The following ADGRD1 variants were observed in gnomAD, a reference collection of about 807,000 sequenced individuals.
ADGRD1 encodes adhesion G protein-coupled receptor D1.
In ADGRD1, 77 loss-of-function variants were observed where a neutral mutation model predicts 113.4. That is an observed-to-expected ratio of 0.68 (90% confidence interval 0.57 to 0.82). ADGRD1 has a LOEUF of 0.82. ADGRD1 is among the 40% of genes least tolerant of loss of function. The pLI is 0.00. For synonymous variants in ADGRD1, 474 were observed against 475.0 expected, an observed-to-expected ratio of 1.00 and a Z score of 0.03; for missense variants, 1,036 against 1,139.1, an observed-to-expected ratio of 0.91 and a Z score of 1.30.
At chr12:131,068,776 C>A (rs187913768) in intron 13 of ADGRD1, among the ~76,000 whole-genome samples, 1 of 152,232 alleles carries the variant, frequency 6.6e-6, no homozygotes, top group Admixed American at 6.5e-5. Flanking sequence ...AACTTCATGA[C>A]AAGAAGAACA....
chr12:131,131,096 C>G (rs1429725752), intron 20 of ADGRD1, among the ~76,000 whole-genome samples: 2 of 152,202 alleles, frequency 1.3e-5, no homozygotes, highest in Non-Finnish European at 2.9e-5. Flanking sequence ...CAGCCTCCTA[C>G]TGAGGGAGCT....
intron 8 of ADGRD1, among the ~76,000 whole-genome samples, chr12:130,992,747 T>G (rs879817922): frequency 3.3e-5 from 5 of 152,278 alleles, no homozygotes; most frequent in Non-Finnish European, 7.3e-5. Context: ...GAGGCCTCAC[T>G]GGCAGATCCA....
chr12:130,987,392 C>T, intron 6 of ADGRD1, 43 bp downstream of exon 6: 1 of 1,608,724 alleles, frequency 6.2e-7, no homozygotes, highest in South Asian at 1.1e-5. Flanking sequence ...CTGTCTGTTC[C>T]CAGGGTCACC....
chr12:131,111,408 T>A (rs1950344591), intron 18 of ADGRD1, among the ~76,000 whole-genome samples: 1 of 152,252 alleles, frequency 6.6e-6, no homozygotes, highest in South Asian at 2.1e-4. Flanking sequence ...TTGGTGTTTA[T>A]TGAGCTTCTT....
intron 14 of ADGRD1, among the ~76,000 whole-genome samples, chr12:131,082,071 G>T (rs573614296): frequency 1.3e-5 from 2 of 151,858 alleles, no homozygotes; most frequent in African/African-American, 4.8e-5. Flanking sequence ...GGTTTTTTAT[G>T]TGTTTTTTCA....
In ADGRD1 at chr12:131,056,851, G is replaced by C. The variant is rs76264867; in HGVS notation, c.1474-19950G>C. Among the ~76,000 whole-genome samples, 383 of 152,296 alleles carry C rather than the reference G, an allele frequency of 2.5e-3. 3 individuals carry two copies. Among genetic ancestry groups the C allele is most frequent in the African/African-American group, 8.8e-3 (366 of 41,562 alleles). On this transcript the variant is annotated intron_variant, in intron 13 of 24. Transcript: ENST00000261654. ...AAGCACACGCTTCTGGATGCAAGCA[G>C]GTGTTAATACAGCTTCCAGGGCCCT...
intron 15 of ADGRD1, among the ~76,000 whole-genome samples, chr12:131,104,291 G>A (rs376427708): frequency 1.2e-4 from 18 of 152,142 alleles, no homozygotes; most frequent in African/African-American, 3.6e-4. Flanking sequence ...TGGGAGGGTC[G>A]TGGCCTCAGG....
intron 5 of ADGRD1, among the ~76,000 whole-genome samples, chr12:130,985,421 A>G (rs936924874): frequency 4.6e-5 from 7 of 152,186 alleles, no homozygotes; most frequent in Admixed American, 3.9e-4. Flanking sequence ...GTTGGATCTA[A>G]TAAGTCATCA....
chr12:131,021,385 G>A (rs779343111), intron 13 of ADGRD1, among the ~76,000 whole-genome samples: 1 of 152,038 alleles, frequency 6.6e-6, no homozygotes, highest in Admixed American at 6.6e-5. Context: ...TTGACACTTC[G>A]CGGCGGCCGG....
chr12:131,125,020 A>G (rs528290958), intron 20 of ADGRD1, among the ~76,000 whole-genome samples: 1 of 152,148 alleles, frequency 6.6e-6, no homozygotes, highest in Non-Finnish European at 1.5e-5. Flanking sequence ...TAGCTTGTAG[A>G]TAACTGTCTT....
At chr12:131,044,076 A>G (rs962350182) in intron 13 of ADGRD1, among the ~76,000 whole-genome samples, 1 of 152,162 alleles carries the variant, frequency 6.6e-6, no homozygotes, top group Non-Finnish European at 1.5e-5. Flanking sequence ...ATCAACAAGA[A>G]ATAGAGGTTC....
At position 130,982,058 on chromosome 12, in the gene ADGRD1, C is replaced by A. The variant is rs1185977015; in HGVS notation, c.485C>A (p.Pro162His). The A allele has an allele frequency of 3.1e-6, 5 of 1,612,888 alleles. No individual in the cohort carries two copies. The highest frequency in any genetic ancestry group is 4.2e-6 in the Non-Finnish European group (5 of 1,179,350). ...NSMTWEASFS[P>H]PGPYWTHVLF... ...ATGACATGGGAGGCCTCCTTCAGCC[C>A]CCCAGGTGAGTGACAGCATCGGTCC... The change falls in exon 5 of 25, where the codon CCC becomes CAC. Residue 162 changes from proline (P) to histidine (H), a missense_variant. Physicochemically the swap from Pro to His is moderately conservative, Grantham distance 77. Transcript: ENST00000261654.
At chr12:131,037,468 G>A (rs1881625551) in intron 13 of ADGRD1, among the ~76,000 whole-genome samples, 2 of 140,450 alleles carry the variant, frequency 1.4e-5, no homozygotes, top group Admixed American at 7.1e-5. Context: ...CTCACTCACT[G>A]CACCGGGCCT....
At chr12:131,079,101 G>A (rs187585549) in intron 14 of ADGRD1, among the ~76,000 whole-genome samples, 83 of 152,298 alleles carry the variant, frequency 5.4e-4, no homozygotes, top group Non-Finnish European at 8.4e-4. Flanking sequence ...TGGAATCATG[G>A]CGCAGGAAGC....
intron 12 of ADGRD1, among the ~76,000 whole-genome samples, chr12:131,008,882 G>T (rs893149931): frequency 6.6e-6 from 1 of 152,236 alleles, no homozygotes; most frequent in Non-Finnish European, 1.5e-5. Context: ...AGAAAGATGA[G>T]TGGGGAGGTG....
intron 15 of ADGRD1, among the ~76,000 whole-genome samples, chr12:131,090,891 C>T (rs1434489840): frequency 2.0e-5 from 3 of 152,210 alleles, no homozygotes; most frequent in Admixed American, 2.0e-4. Flanking sequence ...GAACCGTGTA[C>T]CAATTTATTG....
chr12:131,045,468 AC>A (rs1268672145), intron 13 of ADGRD1, among the ~76,000 whole-genome samples: 1 of 151,894 alleles, frequency 6.6e-6, no homozygotes, highest in Non-Finnish European at 1.5e-5. Context: ...CTGTCAGCGC[AC>A]GCCCGGGAGC....
chr12:131,015,995 C>G (rs916988811), intron 13 of ADGRD1, among the ~76,000 whole-genome samples: 1 of 152,242 alleles, frequency 6.6e-6, no homozygotes, highest in Non-Finnish European at 1.5e-5. Flanking sequence ...GCTTTCCATG[C>G]ACCTCTGGCT....
chr12:131,134,260 G>C (rs983220488), intron 21 of ADGRD1, among the ~76,000 whole-genome samples: 1 of 152,166 alleles, frequency 6.6e-6, no homozygotes, highest in African/African-American at 2.4e-5. Flanking sequence ...GCAGAAGGGG[G>C]TCATAGATCA....
Sources: allele counts gnomAD v4.1 joint callset (sites outside exome capture counted in the v4.1 genomes callset), GRCh38; gene constraint gnomAD v4.1.1; transcripts MANE v1.5; gene names NCBI Gene and HGNC (gene_info 2026-07-23, HGNC 2026-07-21).